The following SDK1 variants were observed in gnomAD, a reference collection of about 807,000 sequenced individuals.
SDK1 encodes the protein sidekick cell adhesion molecule 1.
In SDK1, 157 loss-of-function variants were observed where a neutral mutation model predicts 245.5. That is an observed-to-expected ratio of 0.64 (90% CI 0.56 to 0.73). SDK1 has a LOEUF of 0.73. Among genes scored for constraint, SDK1 ranks in the 30% least tolerant of loss-of-function variants. The probability of loss-of-function intolerance (pLI) is 0.00; values close to 1 mark genes in which losing one functional copy is unlikely to be tolerated. For missense variants in SDK1, 3,583 were observed against 3,002.3 expected, an observed-to-expected ratio of 1.19 and a Z score of -4.52; for synonymous variants, 1,647 against 1,278.5, an observed-to-expected ratio of 1.29 and a Z score of -6.15.
At chr7:3,449,949 AAC>A (rs1780461147) in intron 1 of SDK1, among the ~76,000 whole-genome samples, 2 of 152,142 alleles carry the variant, frequency 1.3e-5, no homozygotes, top group Admixed American at 6.5e-5. Flanking sequence ...CGTAGAGGGG[AAC>A]ACACAAATCA....
intron 4 of SDK1, among the ~76,000 whole-genome samples, chr7:3,782,132 T>A (rs558918427): frequency 1.3e-5 from 2 of 152,360 alleles, no homozygotes; most frequent in South Asian, 4.1e-4. Flanking sequence ...CATGGGCTCA[T>A]GGTTCTGCAG....
chr7:3,532,582 G>C (rs1783383740), intron 1 of SDK1, among the ~76,000 whole-genome samples: 1 of 152,140 alleles, frequency 6.6e-6, no homozygotes, highest in Non-Finnish European at 1.5e-5. Flanking sequence ...TCTTCTGTCT[G>C]CAAGTCTAGT....
intron 1 of SDK1, among the ~76,000 whole-genome samples, chr7:3,468,778 A>G (rs1178181840): frequency 6.6e-6 from 1 of 152,158 alleles, no homozygotes; most frequent in Non-Finnish European, 1.5e-5. Flanking sequence ...TCTTAAGCAT[A>G]AAAGTGGACA....
chr7:3,785,599 C>T (rs1780878219), intron 4 of SDK1, among the ~76,000 whole-genome samples: 1 of 152,086 alleles, frequency 6.6e-6, no homozygotes, highest in Non-Finnish European at 1.5e-5. Context: ...ATTTTCTTAA[C>T]AGACTATTGG....
intron 1 of SDK1, among the ~76,000 whole-genome samples, chr7:3,403,882 A>G (rs904974135): frequency 1.9e-4 from 23 of 120,414 alleles, no homozygotes; most frequent in Non-Finnish European, 1.5e-4. Flanking sequence ...ATATATATTT[A>G]TTTATATTAT....
At chr7:4,195,893 C>T (rs1165477882) in intron 35 of SDK1, among the ~76,000 whole-genome samples, 1 of 152,148 alleles carries the variant, frequency 6.6e-6, no homozygotes, top group Non-Finnish European at 1.5e-5. Context: ...GGTGCCTCCA[C>T]CCACCCCAAA....
intron 4 of SDK1, among the ~76,000 whole-genome samples, chr7:3,741,827 CAT>C (rs977429249): frequency 2.0e-5 from 3 of 151,994 alleles, no homozygotes; most frequent in East Asian, 1.9e-4. Context: ...CACACACACA[CAT>C]AGATGCTTGT....
rs145171545 is a variant in SDK1 at position 3,690,307 on chromosome 7, T to C, written c.713+48202T>C. ...CTTCTGTCTCAAGCATCATATGATA[T>C]TGATTTTTTTTTACTGTAACTAGAA... On this transcript the variant is annotated intron_variant, in intron 4 of 44. Coordinates refer to ENST00000404826, the MANE Select transcript of SDK1 (RefSeq NM_152744.4). Among the ~76,000 whole-genome samples, 353 of 152,300 alleles carry C rather than the reference T, an allele frequency of 2.3e-3. 2 individuals are homozygous for C. The highest frequency in any genetic ancestry group is 8.0e-3 in the African/African-American group (334 of 41,568).
chr7:3,459,514 G>T (rs1433896007), intron 1 of SDK1, among the ~76,000 whole-genome samples: 2 of 152,104 alleles, frequency 1.3e-5, no homozygotes, highest in Non-Finnish European at 2.9e-5. Flanking sequence ...TTTTTGTTCT[G>T]TGCTTTTGCC....
At chr7:4,238,365 C>G (rs562880857) in intron 42 of SDK1, among the ~76,000 whole-genome samples, 1 of 152,086 alleles carries the variant, frequency 6.6e-6, no homozygotes, top group Non-Finnish European at 1.5e-5. Context: ...CAGACGTGAG[C>G]CACGGTGCCC....
intron 39 of SDK1, 23 bp from the exon 40 acceptor site, chr7:4,221,216 C>A (rs772602857): frequency 3.1e-6 from 5 of 1,611,712 alleles, no homozygotes; most frequent in East Asian, 4.5e-5. Context: ...TGCCTCACCT[C>A]TCTTTTCTTC....
intron 16 of SDK1, among the ~76,000 whole-genome samples, 183 bp from the exon 17 acceptor site, chr7:4,016,988 G>A (rs960109681): frequency 1.3e-5 from 2 of 152,182 alleles, no homozygotes; most frequent in African/African-American, 4.8e-5. Flanking sequence ...TAATCACTGT[G>A]AGATTAGAGC....
At chr7:3,722,874 C>G (rs989330269) in intron 4 of SDK1, among the ~76,000 whole-genome samples, 59 of 152,222 alleles carry the variant, frequency 3.9e-4, no homozygotes, top group Non-Finnish European at 5.4e-4. Context: ...CCCCTCCTCT[C>G]TCAGGACATA....
intron 1 of SDK1, among the ~76,000 whole-genome samples, chr7:3,347,415 C>T (rs1780538020): frequency 6.6e-6 from 1 of 152,066 alleles, no homozygotes; most frequent in Admixed American, 6.6e-5. Context: ...TCTTACTATG[C>T]CTTTCCCAGA....
intron 4 of SDK1, among the ~76,000 whole-genome samples, chr7:3,776,297 G>A (rs1047141498): frequency 1.3e-5 from 2 of 152,184 alleles, no homozygotes; most frequent in Admixed American, 6.5e-5. Context: ...AGGGCCATGG[G>A]AACACTGCAG....
Position 3,951,723 on chromosome 7 carries a change from C to G in SDK1, c.960-7C>G. The G allele has an allele frequency of 6.2e-7, 1 of 1,611,624 alleles. No individual in the cohort carries two copies. The highest frequency in any genetic ancestry group is 8.5e-7 in the Non-Finnish European group (1 of 1,179,422). On this transcript the variant is annotated splice_region_variant and splice_polypyrimidine_tract_variant and intron_variant, in intron 6 of 44. Coordinates refer to ENST00000404826, the MANE Select transcript of SDK1 (RefSeq NM_152744.4). ...ATCGTCGTCATGAATGCCTTTCATT[C>G]CCACAGGCCTGTGGAGGACCTGAGT...
At chr7:3,577,368 G>A (rs529496080) in intron 1 of SDK1, among the ~76,000 whole-genome samples, 6 of 152,034 alleles carry the variant, frequency 3.9e-5, no homozygotes, top group Admixed American at 2.0e-4. Flanking sequence ...AAGGTTTTAC[G>A]GCCTGAGCGT....
chr7:3,535,876 C>T (rs1170464769), intron 1 of SDK1, among the ~76,000 whole-genome samples: 3 of 152,020 alleles, frequency 2.0e-5, no homozygotes, highest in African/African-American at 7.3e-5. Context: ...ATTATCCAGG[C>T]ACTATATCAT....
chr7:4,062,331 A>G (rs957552235), intron 19 of SDK1, among the ~76,000 whole-genome samples: 1 of 152,166 alleles, frequency 6.6e-6, no homozygotes, highest in African/African-American at 2.4e-5. Context: ...CTTACTAACA[A>G]CTATACACTA....
Sources: allele counts gnomAD v4.1 joint callset (sites outside exome capture counted in the v4.1 genomes callset), GRCh38; gene constraint gnomAD v4.1.1; transcripts MANE v1.5; gene names NCBI Gene and HGNC (gene_info 2026-07-23, HGNC 2026-07-21).